DGKB: variants seen among roughly 807,000 people sequenced by gnomAD.
The protein encoded by DGKB is diacylglycerol kinase beta.
In DGKB, 67 loss-of-function variants were observed where a neutral mutation model predicts 114.3. That is an observed-to-expected ratio of 0.59 (90% CI 0.48 to 0.72). The LOEUF (loss-of-function observed/expected upper bound fraction) is 0.72, where lower values mean the gene tolerates loss of function less well. DGKB is among the 30% of genes least tolerant of loss of function. The pLI is 0.00. For synonymous variants in DGKB, 398 were observed against 323.1 expected (o/e 1.23, Z -2.49); for missense variants, 907 against 975.2 (o/e 0.93, Z 0.93).
At chr7:14,728,193 T>G (rs1486959395) in intron 5 of DGKB, among the ~76,000 whole-genome samples, 1 of 152,168 alleles carries the variant, frequency 6.6e-6, no homozygotes, top group East Asian at 1.9e-4. Context: ...AGGCATCTAA[T>G]TTTTTTCAGA....
intron 21 of DGKB, among the ~76,000 whole-genome samples, chr7:14,349,391 T>A (rs898660196): frequency 3.3e-5 from 5 of 152,124 alleles, no homozygotes; most frequent in African/African-American, 1.2e-4. Flanking sequence ...AAAATATATA[T>A]ACGAGGTTTT....
Position 14,246,108 on chromosome 7 carries a change from C to T in DGKB, c.2123-67957G>A, listed in dbSNP as rs147206043. 2.6e-5 allele frequency among the ~76,000 whole-genome samples: 4 copies of T among 152,244 alleles called. 1 individual carries two copies. Among genetic ancestry groups the T allele is most frequent in the Non-Finnish European group, 5.9e-5 (4 of 68,016 alleles). ...AGCCTTAATAGGGGACATTTCTGTA[C>T]TGGTTTGTCTGCAATGTTCATGAAA... On this transcript the variant is annotated intron_variant, in intron 23 of 25. Transcript: ENST00000402815.
At chr7:14,926,280 C>T (rs112902906) in intron 1 of DGKB, among the ~76,000 whole-genome samples, 3 of 152,050 alleles carry the variant, frequency 2.0e-5, no homozygotes, top group African/African-American at 7.2e-5. Flanking sequence ...GACAACCACA[C>T]CATTTGATTC....
At chr7:14,623,071 A>G (rs1311681263) in intron 14 of DGKB, among the ~76,000 whole-genome samples, 1 of 152,222 alleles carries the variant, frequency 6.6e-6, no homozygotes, top group Non-Finnish European at 1.5e-5. Context: ...ACTGGTCTAT[A>G]TCAGATCCTA....
intron 21 of DGKB, among the ~76,000 whole-genome samples, chr7:14,407,423 C>A (rs184209130): frequency 6.6e-6 from 1 of 152,102 alleles, no homozygotes; most frequent in Admixed American, 6.6e-5. Context: ...TGTTGCTCCA[C>A]GGTGTGAGAC....
Position 14,360,027 on chromosome 7 carries a change from C to T in DGKB, c.1836-14636G>A, listed in dbSNP as rs527794567. Among the ~76,000 whole-genome samples the T allele has an allele frequency of 9.3e-4, 141 of 152,072 alleles. 2 individuals carry two copies. The highest frequency in any genetic ancestry group is 2.9e-3 in the African/African-American group (122 of 41,476). On this transcript the variant is annotated intron_variant, in intron 21 of 25. Transcript: ENST00000402815. ...GACACATGCACAGGTATGTTTATTG[C>T]GGCACTATTCACAATACAAAGACTT...
intron 20 of DGKB, among the ~76,000 whole-genome samples, chr7:14,554,699 T>C (rs1795622458): frequency 6.6e-6 from 1 of 152,170 alleles, no homozygotes; most frequent in South Asian, 2.1e-4. Flanking sequence ...ATTTATTGAC[T>C]GATAGAGATC....
At chr7:14,805,844 T>A (rs865955068) in intron 2 of DGKB, among the ~76,000 whole-genome samples, 3 of 150,584 alleles carry the variant, frequency 2.0e-5, no homozygotes, top group Non-Finnish European at 3.0e-5. Flanking sequence ...TTACCAAAAA[T>A]TTAGAGAATT....
At chr7:14,194,013 A>G (rs1048465685) in intron 23 of DGKB, among the ~76,000 whole-genome samples, 2 of 152,182 alleles carry the variant, frequency 1.3e-5, no homozygotes, top group Non-Finnish European at 2.9e-5. Flanking sequence ...CTTCATTCCA[A>G]TTAGACTGGT....
At chr7:14,309,854 G>A (rs1025944981) in intron 23 of DGKB, among the ~76,000 whole-genome samples, 1 of 152,186 alleles carries the variant, frequency 6.6e-6, no homozygotes, top group South Asian at 2.1e-4. Flanking sequence ...GGATCTGCAG[G>A]TGCAGGAAGA....
At chr7:14,939,621 CTTTTTTTTTTT>C (rs60427374) in intron 1 of DGKB, among the ~76,000 whole-genome samples, 8 of 84,146 alleles carry the variant, frequency 9.5e-5, no homozygotes, top group Non-Finnish European at 1.6e-4. Context: ...AAATATAATA[CTTTTTTTTTTT>C]TTTTTTTTTT....
chr7:14,956,759 G>A (rs1304408371), intron 1 of DGKB, among the ~76,000 whole-genome samples: 7 of 151,926 alleles, frequency 4.6e-5, no homozygotes, highest in African/African-American at 1.7e-4. Flanking sequence ...TGAGTGCAAT[G>A]GAGCAGATGT....
chr7:14,204,284 T>C (rs1227292824), intron 23 of DGKB, among the ~76,000 whole-genome samples: 5 of 151,988 alleles, frequency 3.3e-5, no homozygotes, highest in African/African-American at 7.2e-5. Context: ...TCTGAATACA[T>C]GAAAACTTGA....
At chr7:14,318,680 C>T (rs866586320) in intron 23 of DGKB, among the ~76,000 whole-genome samples, 2 of 152,024 alleles carry the variant, frequency 1.3e-5, no homozygotes, top group Non-Finnish European at 2.9e-5. Context: ...CACTTTTACA[C>T]TGTTGGTGGG....
chr7:14,856,811 T>G (rs972831634), intron 1 of DGKB, among the ~76,000 whole-genome samples: 1 of 152,200 alleles, frequency 6.6e-6, no homozygotes, highest in Non-Finnish European at 1.5e-5. Context: ...TACTGGGTTT[T>G]AGGGTATGCT....
chr7:14,787,581 CA>C (rs1840077873), intron 2 of DGKB, among the ~76,000 whole-genome samples: 1 of 152,100 alleles, frequency 6.6e-6, no homozygotes, highest in African/African-American at 2.4e-5. Context: ...AAGAAAACAA[CA>C]GATACATTTT....
intron 20 of DGKB, among the ~76,000 whole-genome samples, chr7:14,490,184 CAAGTT>C (rs1361807571): frequency 6.6e-6 from 1 of 151,984 alleles, no homozygotes; most frequent in East Asian, 1.9e-4. Context: ...CAGCAAAAAT[CAAGTT>C]AAGGTAGCCA....
At chr7:14,392,868 T>C (rs930300641) in intron 21 of DGKB, among the ~76,000 whole-genome samples, 3 of 152,142 alleles carry the variant, frequency 2.0e-5, no homozygotes, top group African/African-American at 7.2e-5. Context: ...TAAGAATTTC[T>C]CTAACATCCT....
rs1781540981 is a variant in DGKB, at chr7:14,146,956, T to G, written c.*2175A>C. The G allele has an allele frequency of 6.6e-6, 1 of 152,206 alleles. No individual in the cohort carries two copies. The highest frequency in any genetic ancestry group is 1.5e-5 in the Non-Finnish European group (1 of 68,016). 9.4% of individuals were successfully genotyped at this position (152,206 alleles called of 1,614,324 possible). On this transcript the variant is annotated 3_prime_UTR_variant, in exon 26 of 26. Coordinates refer to ENST00000402815, the MANE Select transcript of DGKB (RefSeq NM_001350709.2). Reference sequence around the variant, plus strand: ...GAATGATTCACAAACTGTTGCTGCCTTCAAACTATATACTATAAAAGGTAG... The same window carrying G: ...GAATGATTCACAAACTGTTGCTGCCGTCAAACTATATACTATAAAAGGTAG...
Sources: gnomAD v4.1 joint callset for allele counts (sites outside exome capture counted in the v4.1 genomes callset) on GRCh38, gnomAD v4.1.1 for gene constraint, MANE v1.5 for transcripts, NCBI Gene and HGNC (gene_info 2026-07-23, HGNC 2026-07-21) for gene names.